ITGBL1: variants seen among roughly 807,000 people sequenced by gnomAD.
ITGBL1 encodes integrin subunit beta like 1, also known as integrin beta-like protein 1.
A neutral mutation model predicts 68.5 loss-of-function variants in ITGBL1; 51 were observed. That is an observed-to-expected ratio of 0.74 (90% CI 0.59 to 0.94). The LOEUF is 0.94. Among genes scored for constraint, ITGBL1 ranks in the 40% least tolerant of loss-of-function variants. ITGBL1 has a pLI of 0.00. For synonymous variants in ITGBL1, 209 were observed against 227.3 expected, an observed-to-expected ratio of 0.92 and a Z score of 0.72; for missense variants, 649 against 647.4, an observed-to-expected ratio of 1.00 and a Z score of -0.03.
intron 6 of ITGBL1, among the ~76,000 whole-genome samples, chr13:101,588,297 T>TTGGTGTGTGTGTGTGTG (rs1555360537): frequency 7.3e-4 from 109 of 149,780 alleles, no homozygotes; most frequent in African/African-American, 2.4e-3. Flanking sequence ...TATTCTTCCA[T>TTGGTGTGTGTGTGTGTG]TGTGTGTGTG....
intron 2 of ITGBL1, among the ~76,000 whole-genome samples, chr13:101,486,978 A>G (rs763713235): frequency 3.3e-5 from 5 of 152,212 alleles, no homozygotes; most frequent in Non-Finnish European, 5.9e-5. Context: ...AATGTAAATA[A>G]CTACTTAAAT....
chr13:101,583,170 T>C, intron 5 of ITGBL1, 46 bp from the exon 6 acceptor site: 7 of 1,580,726 alleles, frequency 4.4e-6, no homozygotes, highest in African/African-American at 1.3e-5. Flanking sequence ...CTTTCTTTCA[T>C]GGTTTTTCTT....
intron 6 of ITGBL1, among the ~76,000 whole-genome samples, chr13:101,584,511 A>C (rs1199018355): frequency 6.6e-6 from 1 of 152,144 alleles, no homozygotes; most frequent in Non-Finnish European, 1.5e-5. Flanking sequence ...AAAGGGAGAT[A>C]AAAGAACTGT....
At chr13:101,527,646 G>A (rs139500658) in intron 2 of ITGBL1, among the ~76,000 whole-genome samples, 321 of 152,106 alleles carry the variant, frequency 2.1e-3, no homozygotes, top group African/African-American at 6.9e-3. Flanking sequence ...ATGTCTGGGA[G>A]TTCTGGTTAC....
chr13:101,595,610 C>A (rs1319253922), intron 6 of ITGBL1, among the ~76,000 whole-genome samples: 2 of 152,030 alleles, frequency 1.3e-5, no homozygotes, highest in African/African-American at 4.8e-5. Flanking sequence ...AAGTGCTTAA[C>A]ATCACTAATA....
intron 2 of ITGBL1, among the ~76,000 whole-genome samples, chr13:101,488,004 A>G (rs925274403): frequency 1.2e-4 from 18 of 152,206 alleles, no homozygotes; most frequent in African/African-American, 4.3e-4. Context: ...GATGGTAAGA[A>G]TGCTGGGCTT....
At chr13:101,658,501 T>C (rs1358939048) in intron 7 of ITGBL1, among the ~76,000 whole-genome samples, 1 of 152,174 alleles carries the variant, frequency 6.6e-6, no homozygotes. Context: ...TAATACTTTT[T>C]AAATCAGTTA....
intron 7 of ITGBL1, among the ~76,000 whole-genome samples, chr13:101,678,721 G>T (rs998948177): frequency 1.3e-5 from 2 of 151,554 alleles, no homozygotes; most frequent in Non-Finnish European, 2.9e-5. Context: ...GGCTAGTCTT[G>T]AACTCCTGAC....
chr13:101,625,516 A>G (rs1284859218), intron 7 of ITGBL1, among the ~76,000 whole-genome samples: 2 of 151,892 alleles, frequency 1.3e-5, no homozygotes, highest in Non-Finnish European at 2.9e-5. Flanking sequence ...AGGGCTCATC[A>G]GGTCCCACTC....
intron 2 of ITGBL1, among the ~76,000 whole-genome samples, chr13:101,567,285 G>C (rs1464356984): frequency 6.6e-6 from 1 of 152,052 alleles, no homozygotes; most frequent in Non-Finnish European, 1.5e-5. Flanking sequence ...GTTTAGTAGA[G>C]TTTCATGTAA....
chr13:101,681,141 A>T (rs2033630285), intron 7 of ITGBL1, among the ~76,000 whole-genome samples: 1 of 152,190 alleles, frequency 6.6e-6, no homozygotes, highest in Admixed American at 6.6e-5. Context: ...GACATTTAAG[A>T]TTGTGAGCCC....
At chr13:101,484,543 A>AT (rs1388153677) in intron 2 of ITGBL1, among the ~76,000 whole-genome samples, 4 of 152,176 alleles carry the variant, frequency 2.6e-5, no homozygotes, top group South Asian at 2.1e-4. Context: ...AAAACGGTGA[A>AT]TTTGAAGATG....
At chr13:101,710,527 G>C (rs1005273706) in intron 9 of ITGBL1, among the ~76,000 whole-genome samples, 1 of 152,126 alleles carries the variant, frequency 6.6e-6, no homozygotes, top group Admixed American at 6.5e-5. Flanking sequence ...TGATGGAAAA[G>C]AAAAACCTGT....
In ITGBL1 at chr13:101,583,247, C is replaced by T. The variant is rs779242665; in HGVS notation, c.759C>T (p.His253=). 2.3e-5 allele frequency: 37 copies of T among 1,613,416 alleles called. No individual in the cohort carries two copies. Among genetic ancestry groups the T allele is most frequent in the Middle Eastern group, 1.7e-4 (1 of 6,056 alleles). Residue 253 remains histidine (H), a synonymous_variant, in exon 6 of 11, where the codon CAC becomes CAT. Transcript: ENST00000376180. ...GTGTATGTGGTGAATGTACCTGTCA[C>T]GATGTTGATCCGACTGGGGACTGGG... ...GTCVCGECTC[H]DVDPTGDWGD... is the part of the protein sequence containing the mutation.
chr13:101,522,121 T>A (rs550954802), intron 2 of ITGBL1, among the ~76,000 whole-genome samples: 39 of 152,068 alleles, frequency 2.6e-4, no homozygotes, highest in Non-Finnish European at 4.9e-4. Flanking sequence ...CTCTATGAGA[T>A]CAGGGCCCCA....
intron 2 of ITGBL1, among the ~76,000 whole-genome samples, chr13:101,498,988 A>G (rs1316080791): frequency 6.6e-6 from 1 of 152,172 alleles, no homozygotes; most frequent in African/African-American, 2.4e-5. Context: ...CTTATTCACT[A>G]CCACTAGAAC....
rs186092905 is a variant in ITGBL1, at chr13:101,556,221, C to A, written c.317-11478C>A. 3.1e-3 allele frequency among the ~76,000 whole-genome samples: 472 copies of A among 152,268 alleles called. 2 individuals are homozygous for A. Among genetic ancestry groups the A allele is most frequent in the Non-Finnish European group, 4.6e-3 (312 of 68,012 alleles). On this transcript the variant is annotated intron_variant, in intron 2 of 10. Coordinates refer to ENST00000376180, the MANE Select transcript of ITGBL1 (RefSeq NM_004791.3). The stretch of plus-strand genomic sequence containing the variant: ...CCCAAAAGATGTGTTGAAGTTCTAA[C>A]ACCCAGTACCTCAGGATGTGATCTT...
At chr13:101,670,241 A>C (rs2033324175) in intron 7 of ITGBL1, among the ~76,000 whole-genome samples, 1 of 152,182 alleles carries the variant, frequency 6.6e-6, no homozygotes, top group African/African-American at 2.4e-5. Flanking sequence ...TATGAAGTGC[A>C]CTCATAACCT....
intron 8 of ITGBL1, among the ~76,000 whole-genome samples, chr13:101,700,095 CAT>C (rs2034100567): frequency 6.6e-6 from 1 of 152,198 alleles, no homozygotes; most frequent in African/African-American, 2.4e-5. Flanking sequence ...TAAGCTCTAA[CAT>C]GTGTATGCCT....
Sources: gnomAD v4.1 joint callset for allele counts (sites outside exome capture counted in the v4.1 genomes callset) on GRCh38, gnomAD v4.1.1 for gene constraint, MANE v1.5 for transcripts, NCBI Gene and HGNC (gene_info 2026-07-23, HGNC 2026-07-21) for gene names.